Variants in TEK observed in about 807,000 individuals in gnomAD.
The protein encoded by TEK is angiopoietin-1 receptor.
In TEK, 43 loss-of-function variants were observed where a neutral mutation model predicts 131.8. That is an observed-to-expected ratio of 0.33 (90% confidence interval 0.26 to 0.42). The LOEUF is 0.42. TEK is among the 10% of genes least tolerant of loss of function. The pLI is 1.00. For synonymous variants in TEK, 580 were observed against 491.6 expected (o/e 1.18, Z -2.38); for missense variants, 1,162 against 1,384.4 (o/e 0.84, Z 2.55).
At chr9:27,148,007 A>C (rs1822988661) in intron 1 of TEK, among the ~76,000 whole-genome samples, 1 of 152,246 alleles carries the variant, frequency 6.6e-6, no homozygotes, top group African/African-American at 2.4e-5. Flanking sequence ...TTTCTGTTAA[A>C]TGGAAACAGT....
intron 1 of TEK, among the ~76,000 whole-genome samples, chr9:27,128,960 C>A (rs1304485045): frequency 6.6e-6 from 1 of 152,076 alleles, no homozygotes; most frequent in Admixed American, 6.6e-5. Context: ...ACGTGAATAC[C>A]CTTTGTTTCT....
intron 1 of TEK, among the ~76,000 whole-genome samples, chr9:27,144,467 C>T (rs895120815): frequency 6.6e-6 from 1 of 152,206 alleles, no homozygotes; most frequent in African/African-American, 2.4e-5. Flanking sequence ...CTCAAGAACT[C>T]TCTCTTAACG....
intron 18 of TEK, among the ~76,000 whole-genome samples, chr9:27,214,898 C>T (rs79387578): frequency 1.9e-3 from 292 of 152,282 alleles, no homozygotes; most frequent in African/African-American, 6.7e-3. Context: ...ATACTCAAAG[C>T]AGATGCTTCT....
At chr9:27,211,175 A>ATATATGAATATATG (rs1564101016) in intron 16 of TEK, among the ~76,000 whole-genome samples, 8 of 88,698 alleles carry the variant, frequency 9.0e-5, no homozygotes, top group African/African-American at 2.0e-4. Flanking sequence ...GTATGTGTAT[A>ATATATGAATATATG]TATATATATG....
intron 1 of TEK, among the ~76,000 whole-genome samples, chr9:27,144,247 A>T (rs1033675505): frequency 4.6e-5 from 7 of 152,176 alleles, no homozygotes; most frequent in Non-Finnish European, 1.0e-4. Context: ...ACGCCACTGC[A>T]TTCCAGCCTG....
intron 1 of TEK, among the ~76,000 whole-genome samples, chr9:27,138,751 C>T (rs149308761): frequency 5.9e-5 from 9 of 152,322 alleles, no homozygotes; most frequent in Non-Finnish European, 1.3e-4. Context: ...CTGAAACTCA[C>T]ATAAACAGAT....
In TEK at chr9:27,118,771, A is replaced by C. The variant is rs541389599; in HGVS notation, c.52+9129A>C. Among the ~76,000 whole-genome samples, 5 of 152,300 alleles carry C rather than the reference A, an allele frequency of 3.3e-5. No individual in the cohort carries two copies. In the South Asian group the frequency reaches 1.0e-3, roughly 32 times the overall value. The stretch of plus-strand genomic sequence containing the variant: ...TCACTGGTCACAGAATGTCCCAGCC[A>C]ACTAACAACAGCAGTTGGTTCAAAC... On this transcript the variant is annotated intron_variant, in intron 1 of 22. Transcript: ENST00000380036.
At chr9:27,186,197 T>G (rs1160113654) in intron 9 of TEK, among the ~76,000 whole-genome samples, 1 of 152,204 alleles carries the variant, frequency 6.6e-6, no homozygotes, top group Non-Finnish European at 1.5e-5. Flanking sequence ...AAATTAGTAT[T>G]TCAAAATTCA....
intron 2 of TEK, among the ~76,000 whole-genome samples, chr9:27,163,150 C>A (rs537166556): frequency 6.6e-6 from 1 of 152,140 alleles, no homozygotes; most frequent in Non-Finnish European, 1.5e-5. Context: ...ACTTTTAAGA[C>A]CCCACTAATA....
chr9:27,184,421 C>T (rs1156568579), intron 8 of TEK, among the ~76,000 whole-genome samples: 3 of 152,062 alleles, frequency 2.0e-5, no homozygotes, highest in Non-Finnish European at 4.4e-5. Context: ...TCCTATTTTT[C>T]TATCAAAGAT....
rs7039211 is a variant in TEK at position 27,182,965 on chromosome 9, C to A, written c.1031-494C>A. Among the ~76,000 whole-genome samples the A allele has an allele frequency of 5.6e-3, 857 of 152,298 alleles. 6 individuals carry two copies. The highest frequency in any genetic ancestry group is 0.019 in the African/African-American group (786 of 41,550). ...TTAGTTATCTGCTATTTGCAGACTT[C>A]CCAATGAATGAGACATCTCTCGTAT... On this transcript the variant is annotated intron_variant, in intron 7 of 22. Transcript: ENST00000380036.
chr9:27,203,548 G>A (rs1825296061), intron 13 of TEK, among the ~76,000 whole-genome samples: 1 of 142,920 alleles, frequency 7.0e-6, no homozygotes, highest in Non-Finnish European at 1.6e-5. Context: ...CTTTACTGAT[G>A]CAGGTTATTC....
intron 1 of TEK, among the ~76,000 whole-genome samples, chr9:27,142,282 A>G (rs866720769): frequency 7.9e-5 from 12 of 152,238 alleles, no homozygotes; most frequent in African/African-American, 2.9e-4. Flanking sequence ...ACAATGAGAG[A>G]AAGAGTGAAG....
At chr9:27,124,844 C>T (rs551542670) in intron 1 of TEK, among the ~76,000 whole-genome samples, 5 of 152,146 alleles carry the variant, frequency 3.3e-5, no homozygotes, top group African/African-American at 9.7e-5. Flanking sequence ...ATCCATCTAA[C>T]CATCAACACC....
At chr9:27,207,218 C>T (rs891015583) in intron 15 of TEK, among the ~76,000 whole-genome samples, 1 of 152,190 alleles carries the variant, frequency 6.6e-6, no homozygotes, top group African/African-American at 2.4e-5. Context: ...CATTAGTTTT[C>T]CAGTGATGCT....
intron 12 of TEK, among the ~76,000 whole-genome samples, chr9:27,201,050 G>T (rs974623298): frequency 6.6e-5 from 10 of 152,142 alleles, no homozygotes; most frequent in Non-Finnish European, 1.2e-4. Flanking sequence ...GCTTCTAGAG[G>T]TTCTTTAAGT....
In TEK at chr9:27,229,587, G is replaced by T. The variant is rs1364139234; in HGVS notation, c.*355G>T. The T allele has an allele frequency of 6.9e-6, 2 of 289,348 alleles. No individual in the cohort carries two copies. The highest frequency in any genetic ancestry group is 1.3e-5 in the Non-Finnish European group (2 of 150,468). 17.9% of individuals were successfully genotyped at this position (289,348 alleles called of 1,614,324 possible). ...ATATTTTGATATTTACCTTTATGTT[G>T]AATGCTATTAAATGTTTTCCTGTGT... On this transcript the variant is annotated 3_prime_UTR_variant, in exon 23 of 23. Coordinates refer to ENST00000380036, the MANE Select transcript of TEK (RefSeq NM_000459.5).
chr9:27,117,093 C>T (rs891678591), intron 1 of TEK, among the ~76,000 whole-genome samples: 1 of 151,960 alleles, frequency 6.6e-6, no homozygotes, highest in Non-Finnish European at 1.5e-5. Flanking sequence ...TCTCGATCTC[C>T]TGACCTAGTG....
At chr9:27,180,483 C>T (rs566949886) in intron 7 of TEK, 115 bp downstream of exon 7, 146 of 1,454,462 alleles carry the variant, frequency 1.0e-4, no homozygotes, top group Non-Finnish European at 1.7e-5. Flanking sequence ...TGTTTCCATC[C>T]AGAAGTTGGG....
Sources: gnomAD v4.1 joint callset for allele counts (sites outside exome capture counted in the v4.1 genomes callset) on GRCh38, gnomAD v4.1.1 for gene constraint, MANE v1.5 for transcripts, NCBI Gene and HGNC (gene_info 2026-07-23, HGNC 2026-07-21) for gene names.